The following ACACA variants were observed in gnomAD, a reference collection of about 807,000 sequenced individuals.
ACACA encodes the protein acetyl-CoA carboxylase 1.
ACACA carries 103 observed loss-of-function variants against 296.1 expected under a neutral mutation model. The ratio of observed to expected loss-of-function variants is 0.35; its 90% confidence interval spans 0.30 to 0.41. ACACA has a LOEUF of 0.41. Ranked by LOEUF, ACACA falls within the 10% of genes least tolerant of loss-of-function variation. The pLI is 1.00. For missense variants in ACACA, 1,554 were observed against 2,989.7 expected (o/e 0.52, Z 11.20); for synonymous variants, 953 against 1,038.6 (o/e 0.92, Z 1.58).
At position 37,085,581 on chromosome 17, in the gene ACACA, G is replaced by T; in HGVS notation, c.*1735C>A. 2.5e-6 allele frequency: 1 copy of T among 398,796 alleles called. No individual in the cohort carries two copies. The highest frequency in any genetic ancestry group is 4.4e-6 in the Non-Finnish European group (1 of 226,090). The allele number at this position is 398,796 out of a possible 1,614,324, so 24.7% of individuals were successfully genotyped here. On this transcript the variant is annotated 3_prime_UTR_variant, in exon 56 of 56. Transcript: ENST00000616317. Reference sequence around the variant, plus strand: ...AATGCATTTTCCTGGACTGAGAATTGTCCCCCACCACTTTATGCCCTTTTC... The same window carrying T: ...AATGCATTTTCCTGGACTGAGAATTTTCCCCCACCACTTTATGCCCTTTTC...
At chr17:37,166,545 A>G (rs915831186) in intron 41 of ACACA, among the ~76,000 whole-genome samples, 2 of 152,190 alleles carry the variant, frequency 1.3e-5, no homozygotes, top group Admixed American at 1.3e-4. Context: ...TTCTTAAACT[A>G]TTTTATTTTA....
intron 13 of ACACA, 77 bp from the exon 14 acceptor site, chr17:37,257,943 C>A (rs766929728): frequency 1.0e-5 from 16 of 1,544,584 alleles, no homozygotes; most frequent in Admixed American, 3.4e-5. Flanking sequence ...TGTTTAAGTT[C>A]TCTGTTAATC....
chr17:37,250,652 G>A (rs961677674), intron 16 of ACACA, among the ~76,000 whole-genome samples: 1 of 151,148 alleles, frequency 6.6e-6, no homozygotes, highest in Non-Finnish European at 1.5e-5. Context: ...AAAAGATTAA[G>A]ATTAAACGCG....
intron 35 of ACACA, among the ~76,000 whole-genome samples, chr17:37,193,777 T>C (rs982036341): frequency 2.0e-5 from 3 of 152,164 alleles, no homozygotes; most frequent in Non-Finnish European, 4.4e-5. Flanking sequence ...GTCACTGCAA[T>C]AGTAGTTAAT....
chr17:37,107,640 G>A (rs947455039), intron 52 of ACACA, among the ~76,000 whole-genome samples: 1 of 152,226 alleles, frequency 6.6e-6, no homozygotes, highest in African/African-American at 2.4e-5. Flanking sequence ...CTGTGTGGGC[G>A]CAGTGCGGTG....
chr17:37,221,688 T>C (rs377305680), intron 29 of ACACA, 36 bp downstream of exon 29: 7 of 1,502,308 alleles, frequency 4.7e-6, no homozygotes, highest in Non-Finnish European at 6.5e-6. Flanking sequence ...GGTATACCTC[T>C]GGCTGGCTCG....
chr17:37,405,573 A>G (rs1471288727), intron 1 of ACACA, among the ~76,000 whole-genome samples: 2 of 152,024 alleles, frequency 1.3e-5, no homozygotes. Context: ...TCTTTTTGAG[A>G]CAGAGTTTCG....
At chr17:37,400,042 A>T (rs1474701066) in intron 1 of ACACA, among the ~76,000 whole-genome samples, 1 of 152,062 alleles carries the variant, frequency 6.6e-6, no homozygotes, top group Non-Finnish European at 1.5e-5. Context: ...TACCGCAAAT[A>T]CTTATTTTTT....
intron 24 of ACACA, among the ~76,000 whole-genome samples, chr17:37,239,124 T>C (rs2080263681): frequency 6.6e-6 from 1 of 152,142 alleles, no homozygotes; most frequent in African/African-American, 2.4e-5. Flanking sequence ...CCACTACATC[T>C]AGCCTGCTAT....
intron 45 of ACACA, among the ~76,000 whole-genome samples, chr17:37,136,321 G>GA (rs1386288911): frequency 6.6e-6 from 1 of 152,044 alleles, no homozygotes; most frequent in Non-Finnish European, 1.5e-5. Flanking sequence ...ATAGCCTTTT[G>GA]AATCTAGCTT....
At chr17:37,316,495 T>C (rs1339827679) in intron 3 of ACACA, among the ~76,000 whole-genome samples, 1 of 151,730 alleles carries the variant, frequency 6.6e-6, no homozygotes, top group Non-Finnish European at 1.5e-5. Context: ...TGACACAATG[T>C]TTGGCTAGAC....
chr17:37,283,759 A>G (rs1002067762), intron 4 of ACACA, among the ~76,000 whole-genome samples: 15 of 152,214 alleles, frequency 9.9e-5, no homozygotes, highest in African/African-American at 3.6e-4. Context: ...GAATGGGGGA[A>G]GGCCAACCAG....
At position 37,206,767 on chromosome 17, in the gene ACACA, A is replaced by C. The variant is rs2078519204; in HGVS notation, c.3948+16T>G. On this transcript the variant is annotated intron_variant, in intron 32 of 55. Transcript: ENST00000616317. ...TCTGAGGGGAACAAAGCAGTCTCCC[A>C]AAAGGGACATTATACCTTATCCTCA... 1 of 1,580,126 alleles carries C rather than the reference A, an allele frequency of 6.3e-7. No homozygotes were observed. The highest frequency in any genetic ancestry group is 1.3e-5 in the African/African-American group (1 of 74,224).
rs752254711 is a variant in ACACA, at chr17:37,224,999, T to A, written c.3467A>T (p.Asn1156Ile). The part of the protein sequence containing the change: ...DMYGHQFCIE[N>I]LQKLILSETS... ...ATATATATATATATATACCTGCAGGTTCTCAATGCAAAATTGATGTCCATA... is the reference window on the plus strand; with the variant it reads ...ATATATATATATATATACCTGCAGGATCTCAATGCAAAATTGATGTCCATA... Residue 1156 changes from asparagine to isoleucine, a missense_variant, in exon 27 of 56, where the codon AAC becomes ATC. Physicochemically the swap from Asn to Ile is moderately radical, Grantham distance 149. Around this residue, in one of 16 missense-constraint regions of ACACA, gnomAD observed 42 missense variants for 147.5 expected, o/e 0.28. Coordinates refer to ENST00000616317, the MANE Select transcript of ACACA (RefSeq NM_198834.3). The A allele has an allele frequency of 2.6e-6, 4 of 1,533,350 alleles. No individual in the cohort carries two copies. 95.0% of individuals were successfully genotyped at this position (1,533,350 alleles called of 1,614,324 possible). A position where few individuals can be genotyped will look rare whatever the true frequency, so the allele number is the denominator to read the frequency against.
intron 24 of ACACA, among the ~76,000 whole-genome samples, chr17:37,238,284 C>T (rs1285515420): frequency 2.8e-5 from 4 of 145,442 alleles, no homozygotes; most frequent in South Asian, 2.1e-4. Flanking sequence ...TCTTTCTTTC[C>T]TCTTTTTTTT....
intron 2 of ACACA, among the ~76,000 whole-genome samples, chr17:37,335,673 T>C (rs575712405): frequency 4.6e-5 from 7 of 152,306 alleles, no homozygotes; most frequent in African/African-American, 1.7e-4. Context: ...GAGTAGCTAC[T>C]GGCATTGGCG....
At chr17:37,111,074 T>G (rs1253596819) in intron 52 of ACACA, among the ~76,000 whole-genome samples, 1 of 152,140 alleles carries the variant, frequency 6.6e-6, no homozygotes, top group African/African-American at 2.4e-5. Flanking sequence ...GTGCGCAATC[T>G]TTACTTCTAT....
intron 47 of ACACA, among the ~76,000 whole-genome samples, chr17:37,128,243 A>ATAT (rs1419317168): frequency 6.6e-6 from 1 of 152,128 alleles, no homozygotes. Context: ...TGTAATAGCT[A>ATAT]TATAATAGCT....
At chr17:37,181,019 A>G (rs769608048) in intron 40 of ACACA, among the ~76,000 whole-genome samples, 182 bp downstream of exon 40, 2 of 152,194 alleles carry the variant, frequency 1.3e-5, no homozygotes, top group Non-Finnish European at 2.9e-5. Flanking sequence ...ATTAATTCAT[A>G]AAGAACCATC....
Sources: allele counts gnomAD v4.1 joint callset (sites outside exome capture counted in the v4.1 genomes callset), GRCh38; gene constraint gnomAD v4.1.1; regional missense constraint gnomAD v4.1.1; transcripts MANE v1.5; gene names NCBI Gene and HGNC (gene_info 2026-07-23, HGNC 2026-07-21).